CACNA1B: variants seen among roughly 807,000 people sequenced by gnomAD.
CACNA1B encodes calcium voltage-gated channel subunit alpha1 B.
Under a neutral mutation model 247.2 loss-of-function variants are expected in CACNA1B, and 70 were observed. That is an observed-to-expected ratio of 0.28 (90% CI 0.23 to 0.35). The LOEUF (loss-of-function observed/expected upper bound fraction) is 0.35. Ranked by LOEUF, CACNA1B falls within the 10% of genes least tolerant of loss-of-function variation. The pLI is 1.00. For missense variants in CACNA1B, 2,367 were observed against 3,197.4 expected, an observed-to-expected ratio of 0.74 and a Z score of 6.26; for synonymous variants, 1,231 against 1,294.4, an observed-to-expected ratio of 0.95 and a Z score of 1.05.
chr9:138,050,735 C>T lies in CACNA1B; in HGVS notation c.3711-1357C>T, dbSNP rs1351126389. Among the ~76,000 whole-genome samples, 1 of 152,164 alleles carries T rather than the reference C, an allele frequency of 6.6e-6. No individual in the cohort carries two copies. The highest frequency in any genetic ancestry group is 1.5e-5 in the Non-Finnish European group (1 of 68,032). On this transcript the variant is annotated intron_variant, in intron 24 of 46. Coordinates refer to ENST00000371372, the MANE Select transcript of CACNA1B (RefSeq NM_000718.4). This position sits in a 1 kb window ranked among gnomAD's most constrained non-coding sequence, Gnocchi z 5.2. ...CTGGGTGACAAAACAGTATCCCCTC[C>T]CTCCTGCTCCTGTCCCCTCTTCCCT...
chr9:138,102,462 C>A lies in CACNA1B; in HGVS notation c.5223-249C>A, dbSNP rs946018395. Among the ~76,000 whole-genome samples, 2 of 152,150 alleles carry A rather than the reference C, an allele frequency of 1.3e-5. No homozygotes were observed. Among genetic ancestry groups the A allele is most frequent in the Non-Finnish European group, 1.5e-5 (1 of 68,030 alleles). On this transcript the variant is annotated intron_variant, in intron 37 of 46. Transcript: ENST00000371372. The surrounding 1 kb of genome is among the most constrained non-coding windows in gnomAD (Gnocchi z 5.4). ...GACGCCACCCCCGCCCACTGCCCCGCGTGGGGCTGGAGTGAGGAGGTGAGG... is the reference window on the plus strand; with the variant it reads ...GACGCCACCCCCGCCCACTGCCCCGAGTGGGGCTGGAGTGAGGAGGTGAGG...
intron 15 of CACNA1B, among the ~76,000 whole-genome samples, chr9:137,989,969 C>T (rs1368815031): frequency 6.6e-6 from 1 of 152,196 alleles, no homozygotes; most frequent in Non-Finnish European, 1.5e-5. Flanking sequence ...GCAGCTCCTG[C>T]TCGGACAGAC....
rs538992240 is a variant in CACNA1B, at chr9:138,121,532, G to A, written c.6553G>A (p.Gly2185Ser). The change falls in exon 47 of 47, where the codon GGT becomes AGT. Residue 2185 changes from glycine (G) to serine (S), a missense_variant. Coordinates refer to ENST00000371372, the MANE Select transcript of CACNA1B (RefSeq NM_000718.4). The surrounding 1 kb of genome is among the most constrained non-coding windows in gnomAD (Gnocchi z 6.8). ...STSGASTPGR[G>S]GRRQLPQTPL... is the part of the protein sequence containing the mutation. Reference sequence around the variant, plus strand: ...ATCTGGTGCTAGCACCCCCGGCCGCGGTGGGCGGAGGCAGCTCCCCCAGAC... The same window carrying A: ...ATCTGGTGCTAGCACCCCCGGCCGCAGTGGGCGGAGGCAGCTCCCCCAGAC... 3.0e-5 allele frequency: 47 copies of A among 1,582,582 alleles called. No individual in the cohort carries two copies. The highest frequency in any genetic ancestry group is 2.3e-4 in the East Asian group (10 of 44,340).
intron 10 of CACNA1B, among the ~76,000 whole-genome samples, chr9:137,969,861 C>T (rs1351878311): frequency 6.6e-6 from 1 of 152,204 alleles, no homozygotes; most frequent in Non-Finnish European, 1.5e-5. Context: ...CTGCATTGCA[C>T]ACCTGCCTCC....
intron 36 of CACNA1B, among the ~76,000 whole-genome samples, chr9:138,092,492 C>G (rs965176217): frequency 2.0e-5 from 3 of 152,186 alleles, no homozygotes; most frequent in Non-Finnish European, 4.4e-5. Flanking sequence ...TCCCTTGTTC[C>G]CTGAAAATCG....
rs1961221957 is a variant in CACNA1B, at chr9:138,100,683, C to A, written c.5223-2028C>A. On this transcript the variant is annotated intron_variant, in intron 37 of 46. Transcript: ENST00000371372. This position sits in a 1 kb window ranked among gnomAD's most constrained non-coding sequence, Gnocchi z 4.6. ...GGAGGACACAGAGTGTTCAGGGAGA[C>A]AGGGTCAGTCAGGAGGCAAATGGGT... 6.6e-6 allele frequency among the ~76,000 whole-genome samples: 1 copy of A among 152,072 alleles called. No individual in the cohort carries two copies. The highest frequency in any genetic ancestry group is 1.5e-5 in the Non-Finnish European group (1 of 68,020).
At chr9:137,916,958 T>A (rs1050758365) in intron 5 of CACNA1B, among the ~76,000 whole-genome samples, 3 of 151,970 alleles carry the variant, frequency 2.0e-5, no homozygotes, top group African/African-American at 7.3e-5. Context: ...AGTTTTAAGA[T>A]GAATGGGCTG....
chr9:138,049,409 C>T, intron 24 of CACNA1B, 94 bp downstream of exon 24: 3 of 816,226 alleles, frequency 3.7e-6, no homozygotes, highest in South Asian at 2.8e-5. Context: ...CTCTTGTGGG[C>T]TTCCCTGGGC....
Position 138,043,852 on chromosome 9 carries a change from G to C in CACNA1B, c.3365G>C (p.Arg1122Pro), listed in dbSNP as rs201992155. Residue 1122 changes from arginine (R) to proline (P), a missense_variant, in exon 21 of 47, where the codon CGG becomes CCG. Physicochemically the swap from Arg to Pro is moderately radical, Grantham distance 103. Around this residue, in one of 12 missense-constraint regions of CACNA1B, gnomAD observed 631 missense variants for 631.1 expected, o/e 1.00. Transcript: ENST00000371372. Reference protein sequence around the residue: ...EADDVMRSGPRPIVPYSSMFC... With the variant: ...EADDVMRSGPPPIVPYSSMFC... ...GATGACGTGATGAGGAGCGGCCCCC[G>C]GCCTATCGTCCCATACAGCTCCATG... 6 of 1,613,858 alleles carry C rather than the reference G, an allele frequency of 3.7e-6. No individual in the cohort carries two copies. The highest frequency in any genetic ancestry group is 5.1e-6 in the Non-Finnish European group (6 of 1,179,882).
chr9:138,032,540 T>G (rs1437038345), intron 20 of CACNA1B: 2 of 354,518 alleles, frequency 5.6e-6, no homozygotes, highest in Non-Finnish European at 1.1e-5. Flanking sequence ...GGAACTTCCT[T>G]AGGCATTCTT....
At chr9:138,077,097 A>G (rs1474927237) in intron 35 of CACNA1B, among the ~76,000 whole-genome samples, 2 of 152,122 alleles carry the variant, frequency 1.3e-5, no homozygotes, top group Non-Finnish European at 2.9e-5. Context: ...TTCTCCCTGA[A>G]CTTCGTGTTC....
chr9:137,978,030 T>G (rs1589045150), intron 12 of CACNA1B, among the ~76,000 whole-genome samples: 11 of 88,674 alleles, frequency 1.2e-4, no homozygotes, highest in African/African-American at 2.7e-4. Context: ...CAGGAAGGAG[T>G]GAAGGGTGGG....
At chr9:137,923,257 G>GTGGTGCCAGGTGGTATTCCA (rs1327169281) in intron 6 of CACNA1B, among the ~76,000 whole-genome samples, 1 of 143,790 alleles carries the variant, frequency 7.0e-6, no homozygotes, top group Non-Finnish European at 1.5e-5. Context: ...GTGGTATTCC[G>GTGGTGCCAGGTGGTATTCCA]TGGTGCCAGG....
intron 20 of CACNA1B, among the ~76,000 whole-genome samples, chr9:138,026,452 T>C (rs1958922038): frequency 6.6e-6 from 1 of 152,214 alleles, no homozygotes; most frequent in African/African-American, 2.4e-5. Flanking sequence ...ACACCCCTGT[T>C]GGCAACCACT....
rs148474607 is a variant in CACNA1B, at chr9:137,969,518, A to T, written c.1334-1865A>T. On this transcript the variant is annotated intron_variant, in intron 10 of 46. Coordinates refer to ENST00000371372, the MANE Select transcript of CACNA1B (RefSeq NM_000718.4). ...TACTGGCTGGTGGGGATGGCCACAGAGTCCCCTTTGGAGAATTTGTTGCTT... is the reference window on the plus strand; with the variant it reads ...TACTGGCTGGTGGGGATGGCCACAGTGTCCCCTTTGGAGAATTTGTTGCTT... Among the ~76,000 whole-genome samples, 5 of 152,296 alleles carry T rather than the reference A, an allele frequency of 3.3e-5. No homozygotes were observed. In the East Asian group the frequency reaches 7.7e-4, roughly 23 times the overall value.
chr9:137,912,087 G>C (rs1292552183), intron 3 of CACNA1B, among the ~76,000 whole-genome samples: 1 of 152,194 alleles, frequency 6.6e-6, no homozygotes, highest in Non-Finnish European at 1.5e-5. Flanking sequence ...TTCTTTAGTT[G>C]TGTAATGTTT....
chr9:138,016,990 G>A (rs1958800994), intron 18 of CACNA1B: 1 of 406,146 alleles, frequency 2.5e-6, no homozygotes, highest in African/African-American at 2.1e-5. Flanking sequence ...CTCGGCTGGT[G>A]CCCGTCTGAC....
intron 36 of CACNA1B, among the ~76,000 whole-genome samples, chr9:138,093,422 A>AAG (rs1960946151): frequency 6.6e-6 from 1 of 150,468 alleles, no homozygotes; most frequent in African/African-American, 2.4e-5. Context: ...AAAAAAAAAA[A>AAG]AAAAAAGAAG....
At chr9:138,062,750 G>A (rs546734670) in intron 31 of CACNA1B, among the ~76,000 whole-genome samples, 50 of 152,316 alleles carry the variant, frequency 3.3e-4, no homozygotes, top group Non-Finnish European at 5.9e-4. Flanking sequence ...ACACATCAAG[G>A]ACCCTGGGGG....
Sources: allele counts gnomAD v4.1 joint callset (sites outside exome capture counted in the v4.1 genomes callset), GRCh38; gene constraint gnomAD v4.1.1; regional missense constraint gnomAD v4.1.1; non-coding constraint Gnocchi (gnomAD v3.1); transcripts MANE v1.5; gene names NCBI Gene and HGNC (gene_info 2026-07-23, HGNC 2026-07-21).